HTR1E: variants seen among roughly 807,000 people sequenced by gnomAD.
HTR1E encodes 5-hydroxytryptamine receptor 1E, also known as 5-HT-1E.
In HTR1E, 3 loss-of-function variants were observed where a neutral mutation model predicts 3.4. That is an observed-to-expected ratio of 0.89 (90% CI 0.41 to 2.31). The LOEUF is 2.31. HTR1E is among the 30% of genes most tolerant of loss of function. The probability of loss-of-function intolerance (pLI) is 0.05; values close to 1 mark genes in which losing one functional copy is unlikely to be tolerated. For missense variants in HTR1E, 392 were observed against 467.0 expected (o/e 0.84, Z 1.48); for synonymous variants, 170 against 182.8 (o/e 0.93, Z 0.56).
chr6:86,946,712 C>A (rs1395185115), intron 1 of HTR1E, among the ~76,000 whole-genome samples: 4 of 152,126 alleles, frequency 2.6e-5, no homozygotes, highest in Non-Finnish European at 5.9e-5. Context: ...TCCAGCTACC[C>A]CAAGTTTTAC....
At chr6:86,993,150 A>G (rs544605367) in intron 1 of HTR1E, among the ~76,000 whole-genome samples, 20 of 152,216 alleles carry the variant, frequency 1.3e-4, no homozygotes, top group Non-Finnish European at 2.6e-4. Flanking sequence ...GAAAAGGAAC[A>G]GCCAAGCAAG....
At chr6:86,977,461 C>CT (rs1767653749) in intron 1 of HTR1E, among the ~76,000 whole-genome samples, 1 of 152,058 alleles carries the variant, frequency 6.6e-6, no homozygotes. Flanking sequence ...GATTCCATGT[C>CT]TTTGTTATTG....
chr6:87,010,313 G>C (rs1283219786), intron 1 of HTR1E, among the ~76,000 whole-genome samples: 2 of 113,906 alleles, frequency 1.8e-5, no homozygotes, highest in Non-Finnish European at 3.5e-5. Flanking sequence ...CGGGCGGGGG[G>C]GCTGACCCCC....
intron 1 of HTR1E, among the ~76,000 whole-genome samples, chr6:86,944,662 T>C (rs1768590150): frequency 1.3e-5 from 2 of 152,204 alleles, no homozygotes; most frequent in Admixed American, 6.5e-5. Flanking sequence ...ATGAAAGTGA[T>C]GATAATAACA....
At chr6:87,002,962 T>C (rs935407210) in intron 1 of HTR1E, among the ~76,000 whole-genome samples, 10 of 152,214 alleles carry the variant, frequency 6.6e-5, no homozygotes, top group African/African-American at 2.4e-4. Context: ...ATCTGCACTA[T>C]AGACCAAATG....
intron 1 of HTR1E, among the ~76,000 whole-genome samples, chr6:86,989,710 A>C (rs1767845912): frequency 6.6e-6 from 1 of 152,170 alleles, no homozygotes; most frequent in Non-Finnish European, 1.5e-5. Flanking sequence ...GCCCCAAAAG[A>C]TGGTCAGAAA....
chr6:87,010,446 G>T (rs1372991099), intron 1 of HTR1E, among the ~76,000 whole-genome samples: 1 of 151,164 alleles, frequency 6.6e-6, no homozygotes, highest in Non-Finnish European at 1.5e-5. Flanking sequence ...CGACCGGGCA[G>T]AGACGCTCCT....
intron 1 of HTR1E, among the ~76,000 whole-genome samples, chr6:87,003,130 T>G (rs1768048441): frequency 6.6e-6 from 1 of 152,230 alleles, no homozygotes; most frequent in South Asian, 2.1e-4. Context: ...ATATCTTCTC[T>G]GGCTAAAATG....
intron 1 of HTR1E, among the ~76,000 whole-genome samples, chr6:87,008,954 C>A (rs1474095478): frequency 6.6e-6 from 1 of 152,162 alleles, no homozygotes. Context: ...AAAGTTACAT[C>A]ACTCAAATAT....
chr6:86,969,795 C>A (rs1023151032), intron 1 of HTR1E, among the ~76,000 whole-genome samples: 1 of 152,162 alleles, frequency 6.6e-6, no homozygotes, highest in African/African-American at 2.4e-5. Flanking sequence ...ACTCTCCACA[C>A]CCCAGCCACA....
At chr6:86,999,185 T>C (rs893182195) in intron 1 of HTR1E, among the ~76,000 whole-genome samples, 1 of 152,044 alleles carries the variant, frequency 6.6e-6, no homozygotes, top group African/African-American at 2.4e-5. Flanking sequence ...TAGTCTCCAA[T>C]TCCTGGCTTC....
intron 1 of HTR1E, among the ~76,000 whole-genome samples, chr6:86,944,312 A>G (rs1768585275): frequency 1.3e-5 from 2 of 152,224 alleles, no homozygotes; most frequent in Non-Finnish European, 2.9e-5. Context: ...AGGAATACCT[A>G]CAGGAACCAA....
At chr6:87,002,874 G>A (rs1235908656) in intron 1 of HTR1E, among the ~76,000 whole-genome samples, 1 of 152,170 alleles carries the variant, frequency 6.6e-6, no homozygotes, top group Non-Finnish European at 1.5e-5. Flanking sequence ...TACAGTAATA[G>A]CTGGAGACTT....
intron 1 of HTR1E, among the ~76,000 whole-genome samples, chr6:86,984,792 C>T (rs1346298035): frequency 1.3e-5 from 2 of 152,152 alleles, no homozygotes; most frequent in Non-Finnish European, 2.9e-5. Flanking sequence ...GGAGAAACAT[C>T]CTGTTTCTTA....
rs992882759 is a variant in HTR1E at position 87,015,963 on chromosome 6, A to G, written c.629A>G (p.Lys210Arg). The G allele has an allele frequency of 1.9e-6, 3 of 1,614,088 alleles. No homozygotes were observed. Among genetic ancestry groups the G allele is most frequent in the Non-Finnish European group, 2.5e-6 (3 of 1,180,052 alleles). ...ILYYRIYHAA[K>R]SLYQKRGSSR... The stretch of plus-strand genomic sequence containing the variant: ...TATTACCGGATTTACCACGCGGCCA[A>G]GAGCCTTTACCAGAAAAGGGGATCA... Residue 210 changes from lysine (K) to arginine (R), a missense_variant, in exon 2 of 2, where the codon AAG (lysine) becomes AGG (arginine). Coordinates refer to ENST00000305344, the MANE Select transcript of HTR1E (RefSeq NM_000865.3).
chr6:87,000,687 T>C (rs1186038891), intron 1 of HTR1E, among the ~76,000 whole-genome samples: 3 of 152,190 alleles, frequency 2.0e-5, no homozygotes, highest in Non-Finnish European at 4.4e-5. Context: ...ATAAAGACTT[T>C]CTCAGACAAA....
At chr6:87,008,019 A>C (rs1768143615) in intron 1 of HTR1E, among the ~76,000 whole-genome samples, 1 of 152,210 alleles carries the variant, frequency 6.6e-6, no homozygotes, top group Admixed American at 6.5e-5. Flanking sequence ...AATGTTCACA[A>C]AACATTGTGA....
At chr6:86,988,359 A>G (rs1252901622) in intron 1 of HTR1E, among the ~76,000 whole-genome samples, 1 of 152,176 alleles carries the variant, frequency 6.6e-6, no homozygotes, top group Non-Finnish European at 1.5e-5. Flanking sequence ...TAGCATGCCA[A>G]TTTCATGAAA....
chr6:87,016,520 C>T lies in HTR1E; in HGVS notation c.*88C>T, dbSNP rs1038523984. 1.8e-6 allele frequency: 2 copies of T among 1,131,722 alleles called. No individual in the cohort carries two copies. Among genetic ancestry groups the T allele is most frequent in the Non-Finnish European group, 2.5e-6 (2 of 789,638 alleles). 70.1% of individuals were successfully genotyped at this position (1,131,722 alleles called of 1,614,324 possible). On this transcript the variant is annotated 3_prime_UTR_variant, in exon 2 of 2. Transcript: ENST00000305344. ...TGCAACTTATTAATTCTTGAACATA[C>T]TTGGTTCAGGAGAGTTTGTAAGTAT...
Sources: gnomAD v4.1 joint callset for allele counts (sites outside exome capture counted in the v4.1 genomes callset) on GRCh38, gnomAD v4.1.1 for gene constraint, MANE v1.5 for transcripts, NCBI Gene and HGNC (gene_info 2026-07-23, HGNC 2026-07-21) for gene names.